NF2: variants seen among roughly 807,000 people sequenced by gnomAD.
The protein encoded by NF2 is NF2, moesin-ezrin-radixin like (MERLIN) tumor suppressor.
Under a neutral mutation model 83.7 loss-of-function variants are expected in NF2, and 8 were observed. That is an observed-to-expected ratio of 0.10 (90% CI 0.06 to 0.17). The LOEUF (loss-of-function observed/expected upper bound fraction) is 0.17, where lower values mean the gene tolerates loss of function less well. Ranked by LOEUF, NF2 falls within the 10% of genes least tolerant of loss-of-function variation. NF2 has a pLI of 1.00. For missense variants in NF2, 533 were observed against 744.4 expected (o/e 0.72, Z 3.31); for synonymous variants, 266 against 269.6 (o/e 0.99, Z 0.13).
chr22:29,668,284 G>A (rs946905237), intron 9 of NF2, 49 bp from the exon 10 acceptor site: 3 of 1,391,692 alleles, frequency 2.2e-6, no homozygotes, highest in Non-Finnish European at 3.1e-6. Flanking sequence ...AGTAGGCAGT[G>A]AAGTAAATTT....
intron 7 of NF2, among the ~76,000 whole-genome samples, chr22:29,660,735 T>G (rs930553437): frequency 2.6e-5 from 4 of 151,956 alleles, no homozygotes; most frequent in Non-Finnish European, 4.4e-5. Context: ...GCTAATTTTT[T>G]TGTGTGTATT....
At chr22:29,678,971 C>T (rs1306163032) in intron 14 of NF2, among the ~76,000 whole-genome samples, 1 of 152,224 alleles carries the variant, frequency 6.6e-6, no homozygotes, top group African/African-American at 2.4e-5. Flanking sequence ...CCAGAGCTAG[C>T]GGTAAGTTGG....
At chr22:29,655,439 T>G (rs2058740891) in intron 5 of NF2, among the ~76,000 whole-genome samples, 155 bp from the exon 6 acceptor site, 1 of 152,240 alleles carries the variant, frequency 6.6e-6, no homozygotes, top group African/African-American at 2.4e-5. Context: ...GGTGCCTTAT[T>G]TACACGCCCT....
At chr22:29,632,743 G>T (rs531192286) in intron 1 of NF2, among the ~76,000 whole-genome samples, 2 of 152,188 alleles carry the variant, frequency 1.3e-5, no homozygotes, top group Non-Finnish European at 2.9e-5. Flanking sequence ...GACAGCCATT[G>T]TTTGCCATGT....
At chr22:29,684,013 G>A in intron 15 of NF2, 2 of 759,364 alleles carry the variant, frequency 2.6e-6, no homozygotes, top group Non-Finnish European at 3.3e-6. Context: ...TGCAGTTTCT[G>A]CTCATAGAGT....
intron 1 of NF2, among the ~76,000 whole-genome samples, chr22:29,630,116 T>C (rs557738540): frequency 3.9e-4 from 59 of 152,296 alleles, no homozygotes; most frequent in African/African-American, 1.3e-3. Context: ...AAAAAACAAA[T>C]AGCAGTTTTA....
At chr22:29,670,503 TTGTGTGTGTGTGTG>T (rs131255) in intron 10 of NF2, among the ~76,000 whole-genome samples, 4 of 146,444 alleles carry the variant, frequency 2.7e-5, no homozygotes, top group East Asian at 2.0e-4. Context: ...CTTTTTGAGC[TTGTGTGTGTGTGTG>T]TGTGTGTGTG....
chr22:29,627,474 G>A (rs1381733410), intron 1 of NF2, among the ~76,000 whole-genome samples: 2 of 152,168 alleles, frequency 1.3e-5, no homozygotes, highest in Non-Finnish European at 2.9e-5. Context: ...CAACTTTGAA[G>A]TGAATCTTCT....
chr22:29,640,536 G>C (rs1316090533), intron 3 of NF2, among the ~76,000 whole-genome samples: 1 of 152,148 alleles, frequency 6.6e-6, no homozygotes, highest in Non-Finnish European at 1.5e-5. Context: ...TGGCTCCCCA[G>C]TTTCATGGCC....
Position 29,695,936 on chromosome 22 carries a change from A to C in NF2, c.*1134A>C. The C allele has an allele frequency of 4.3e-6, 1 of 231,162 alleles. No individual in the cohort carries two copies. The highest frequency in any genetic ancestry group is 6.1e-5 in the East Asian group (1 of 16,436). 14.3% of individuals were successfully genotyped at this position (231,162 alleles called of 1,614,324 possible). The stretch of plus-strand genomic sequence containing the variant: ...TTGTGCCCCTCCCAGCACAGGCCTG[A>C]TGCAGGTGTCCACTCACAGGTGGCG... On this transcript the variant is annotated 3_prime_UTR_variant, in exon 16 of 16. Coordinates refer to ENST00000338641, the MANE Select transcript of NF2 (RefSeq NM_000268.4). The surrounding 1 kb of genome is among the most constrained non-coding windows in gnomAD (Gnocchi z 5.4).
chr22:29,638,082 T>C (rs2146862670), intron 2 of NF2, among the ~76,000 whole-genome samples: 1 of 152,310 alleles, frequency 6.6e-6, no homozygotes, highest in East Asian at 1.9e-4. Context: ...TCATGACACA[T>C]GTTAATGGAG....
In NF2 at chr22:29,671,972, C is replaced by T. The variant is rs767608957; in HGVS notation, c.1122+24C>T. On this transcript the variant is annotated intron_variant, in intron 11 of 15. Transcript: ENST00000338641. Reference sequence around the variant, plus strand: ...TGGTGATTTCTGAGGGGCTGGGGTTCCAGGAGGCTACTTGGGGACTTCCTT... The same window carrying T: ...TGGTGATTTCTGAGGGGCTGGGGTTTCAGGAGGCTACTTGGGGACTTCCTT... 12 of 1,613,976 alleles carry T rather than the reference C, an allele frequency of 7.4e-6. No individual in the cohort carries two copies. The African/African-American group carries it at 1.5e-4, about 20-fold the overall frequency.
In NF2 at chr22:29,658,229, C is replaced by G. The variant is rs2146990113; in HGVS notation, c.640C>G (p.Leu214Val). ...GGAATATCTGAAGATAGCTCAGGAC[C>G]TGGAGATGTACGGTGTGAACTACTT... ...EMEYLKIAQDLEMYGVNYFAI... is the reference protein window; with the variant it reads ...EMEYLKIAQDVEMYGVNYFAI... The change falls in exon 7 of 16, where the codon CTG (leucine) becomes GTG (valine). Residue 214 changes from leucine to valine, a missense_variant. By Grantham distance (32) the Leu-to-Val change is conservative. Coordinates refer to ENST00000338641, the MANE Select transcript of NF2 (RefSeq NM_000268.4). The G allele has an allele frequency of 1.2e-6, 2 of 1,614,182 alleles. No homozygotes were observed. The highest frequency in any genetic ancestry group is 1.7e-6 in the Non-Finnish European group (2 of 1,180,028).
At chr22:29,650,897 C>T (rs917596916) in intron 4 of NF2, among the ~76,000 whole-genome samples, 6 of 152,202 alleles carry the variant, frequency 3.9e-5, no homozygotes, top group Non-Finnish European at 7.3e-5. Flanking sequence ...GCCACTGCAC[C>T]CAACCTGTTC....
chr22:29,618,308 A>C (rs576320600), intron 1 of NF2, among the ~76,000 whole-genome samples: 2 of 152,292 alleles, frequency 1.3e-5, no homozygotes, highest in East Asian at 3.9e-4. Flanking sequence ...TTGAAAAAAA[A>C]GGAGAGAGAG....
At chr22:29,623,507 G>T (rs777962149) in intron 1 of NF2, among the ~76,000 whole-genome samples, 1 of 152,168 alleles carries the variant, frequency 6.6e-6, no homozygotes, top group African/African-American at 2.4e-5. Flanking sequence ...GGGACTTGCT[G>T]GGGGTTGGGA....
chr22:29,636,810 A>C lies in NF2; in HGVS notation c.174A>C (p.Glu58Asp). 1 of 1,614,162 alleles carries C rather than the reference A, an allele frequency of 6.2e-7. No homozygotes were observed. The highest frequency in any genetic ancestry group is 8.5e-7 in the Non-Finnish European group (1 of 1,180,028). The change falls in exon 2 of 16, where the codon GAA (glutamate) becomes GAC (aspartate). Residue 58 changes from glutamate (E) to aspartate (D), a missense_variant. Coordinates refer to ENST00000338641, the MANE Select transcript of NF2 (RefSeq NM_000268.4). The surrounding 1 kb of genome is among the most constrained non-coding windows in gnomAD (Gnocchi z 4.4). Reference sequence around the variant, plus strand: ...TGTGCCGGACTCTGGGGCTCCGAGAAACCTGGTTCTTTGGACTGCAGTACA... The same window carrying C: ...TGTGCCGGACTCTGGGGCTCCGAGACACCTGGTTCTTTGGACTGCAGTACA... ...DLVCRTLGLRETWFFGLQYTI... is the reference protein window; with the variant it reads ...DLVCRTLGLRDTWFFGLQYTI...
At chr22:29,648,046 G>A (rs781233864) in intron 4 of NF2, among the ~76,000 whole-genome samples, 5 of 151,916 alleles carry the variant, frequency 3.3e-5, no homozygotes, top group Non-Finnish European at 7.4e-5. Flanking sequence ...CAGAAGAATC[G>A]CTTGAATCCG....
At chr22:29,651,138 GA>G (rs1476362778) in intron 4 of NF2, among the ~76,000 whole-genome samples, 1 of 152,156 alleles carries the variant, frequency 6.6e-6, no homozygotes, top group Non-Finnish European at 1.5e-5. Flanking sequence ...GTATAGTAGG[GA>G]GGGGGTCTGT....
Sources: allele counts gnomAD v4.1 joint callset (sites outside exome capture counted in the v4.1 genomes callset), GRCh38; gene constraint gnomAD v4.1.1; non-coding constraint Gnocchi (gnomAD v3.1); transcripts MANE v1.5; gene names NCBI Gene and HGNC (gene_info 2026-07-23, HGNC 2026-07-21).